Variants in SV2C observed in about 807,000 individuals in gnomAD.
The protein encoded by SV2C is synaptic vesicle glycoprotein 2C.
Under a neutral mutation model 79.7 loss-of-function variants are expected in SV2C, and 49 were observed. The ratio of observed to expected loss-of-function variants is 0.61; its 90% CI spans 0.49 to 0.78. The LOEUF is 0.78. SV2C is among the 30% of genes least tolerant of loss of function. The pLI is 0.00. For synonymous variants in SV2C, 334 were observed against 333.2 expected, an observed-to-expected ratio of 1.00 and a Z score of -0.03; for missense variants, 833 against 912.9, an observed-to-expected ratio of 0.91 and a Z score of 1.13.
At chr5:76,031,666 A>G in the SV2C span, among the ~76,000 whole-genome samples, 1 of 152,226 alleles carries the variant, frequency 6.6e-6, no homozygotes. Context: ...ACCTTAATAT[A>G]TTCAATATCT....
chr5:75,940,004 C>T, the SV2C span, among the ~76,000 whole-genome samples: 1 of 152,178 alleles, frequency 6.6e-6, no homozygotes, highest in Non-Finnish European at 1.5e-5. Context: ...CTCATTCCTG[C>T]GACTATCATT....
chr5:76,025,488 A>G, the SV2C span, among the ~76,000 whole-genome samples: 1 of 152,228 alleles, frequency 6.6e-6, no homozygotes, highest in African/African-American at 2.4e-5. Flanking sequence ...ACATCATATT[A>G]CAGTGGAAAT....
chr5:76,184,564 A>T (rs539954646), intron 2 of SV2C, among the ~76,000 whole-genome samples: 11 of 152,336 alleles, frequency 7.2e-5, no homozygotes, highest in Admixed American at 2.0e-4. Flanking sequence ...GTCTCAAGAA[A>T]CTTACAATCA....
chr5:76,021,579 T>C, the SV2C span, among the ~76,000 whole-genome samples: 396 of 152,298 alleles, frequency 2.6e-3, 5 homozygotes, highest in Admixed American at 0.022. Flanking sequence ...CAAATTAATA[T>C]TGGGGAACTG....
the SV2C span, among the ~76,000 whole-genome samples, chr5:76,003,308 G>A: frequency 1.3e-5 from 2 of 152,124 alleles, no homozygotes; most frequent in African/African-American, 4.8e-5. Context: ...GATGAGGTGG[G>A]AGTGTGGGCT....
chr5:76,277,359 G>A (rs1189540542), intron 4 of SV2C, among the ~76,000 whole-genome samples: 2 of 152,202 alleles, frequency 1.3e-5, no homozygotes, highest in African/African-American at 2.4e-5. Context: ...CCTTCAACTG[G>A]TGAGTGGATA....
rs143178564 is a variant in SV2C at position 76,132,249 on chromosome 5, G to A, written c.499G>A (p.Val167Ile). Residue 167 changes from valine (V) to isoleucine (I), a missense_variant, in exon 2 of 13, where the codon GTA becomes ATA. Val to Ile is a conservative substitution (Grantham distance 29). Coordinates refer to ENST00000502798, the MANE Select transcript of SV2C (RefSeq NM_014979.4). ...GGGCATGGCTCTTATGGCAGACGGT[G>A]TAGAGGTGTTTGTCGTTGGCTTCGT... Reference protein sequence around the residue: ...VLGMALMADGVEVFVVGFVLP... With the variant: ...VLGMALMADGIEVFVVGFVLP... The A allele has an allele frequency of 3.2e-4, 511 of 1,614,136 alleles. 2 individuals carry two copies. In the African/African-American group the frequency reaches 5.9e-3, roughly 19 times the overall value.
chr5:76,239,483 C>T (rs1210274499), intron 4 of SV2C, among the ~76,000 whole-genome samples: 1 of 152,194 alleles, frequency 6.6e-6, no homozygotes, highest in East Asian at 1.9e-4. Context: ...GAGGAGATGG[C>T]TTGTCTCTGC....
intron 6 of SV2C, among the ~76,000 whole-genome samples, chr5:76,288,060 G>A (rs558242417): frequency 1.3e-5 from 2 of 149,842 alleles, no homozygotes; most frequent in African/African-American, 4.9e-5. Flanking sequence ...ACTCTAGCCT[G>A]GCAACAGAGC....
At position 76,131,645 on chromosome 5, in the gene SV2C, C is replaced by A. The variant is rs113071558; in HGVS notation, c.-101-5C>A. On this transcript the variant is annotated splice_polypyrimidine_tract_variant and splice_region_variant and intron_variant, in intron 1 of 12. Transcript: ENST00000502798. ...TAAGTATCTCCTCTATTTCTTCTTT[C>A]GCAGTTCTGTTTTGAACCCAAAGTG... 1.3e-6 allele frequency: 1 copy of A among 787,052 alleles called. No individual in the cohort carries two copies. The highest frequency in any genetic ancestry group is 2.0e-6 in the Non-Finnish European group (1 of 511,434). 48.8% of individuals were successfully genotyped at this position (787,052 alleles called of 1,614,324 possible). A position where few individuals can be genotyped will look rare whatever the true frequency, so the allele number is the denominator to read the frequency against.
the SV2C span, among the ~76,000 whole-genome samples, chr5:75,961,165 T>C: frequency 6.6e-6 from 1 of 152,074 alleles, no homozygotes; most frequent in African/African-American, 2.4e-5. Flanking sequence ...GATAAATACA[T>C]GGTAAGCTAT....
At chr5:76,030,274 T>TG in the SV2C span, among the ~76,000 whole-genome samples, 1 of 109,430 alleles carries the variant, frequency 9.1e-6, no homozygotes, top group African/African-American at 4.2e-5. Context: ...TTGTTTTTTT[T>TG]TTTTTTTTTT....
the SV2C span, among the ~76,000 whole-genome samples, chr5:76,061,287 A>AAAAAAAAAAAAAAAAAAAAAAT: frequency 6.6e-6 from 1 of 150,970 alleles, no homozygotes; most frequent in African/African-American, 2.4e-5. Context: ...AAAAAAAAAA[A>AAAAAAAAAAAAAAAAAAAAAAT]AAAAAAGCAA....
chr5:76,098,601 G>A (rs1363275409), intron 1 of SV2C, among the ~76,000 whole-genome samples: 1 of 152,178 alleles, frequency 6.6e-6, no homozygotes, highest in Non-Finnish European at 1.5e-5. Flanking sequence ...AACCTGATAC[G>A]TAATAATCAT....
chr5:76,042,506 A>T, the SV2C span, among the ~76,000 whole-genome samples: 2 of 152,258 alleles, frequency 1.3e-5, no homozygotes, highest in South Asian at 2.1e-4. Flanking sequence ...TTTCCTCCCA[A>T]ATCTATAGAT....
At chr5:75,896,571 A>G in the SV2C span, among the ~76,000 whole-genome samples, 1 of 152,000 alleles carries the variant, frequency 6.6e-6, no homozygotes. Flanking sequence ...TCCTTTGGGT[A>G]TATACCCAGT....
chr5:75,902,058 C>T, the SV2C span, among the ~76,000 whole-genome samples: 1 of 152,208 alleles, frequency 6.6e-6, no homozygotes, highest in Admixed American at 6.5e-5. Context: ...GGCAATGCCT[C>T]ACCCTGCTTC....
Position 76,329,827 on chromosome 5 carries a change from C to T in SV2C, c.*4280C>T, listed in dbSNP as rs140184732. ...CAGGAATGTCTGAATTTGGCCTTCA[C>T]CTGGTATCACAGAAAGACAACTGGG... On this transcript the variant is annotated 3_prime_UTR_variant, in exon 13 of 13. Coordinates refer to ENST00000502798, the MANE Select transcript of SV2C (RefSeq NM_014979.4). The T allele has an allele frequency of 6.6e-6, 1 of 152,266 alleles. No individual in the cohort carries two copies. The highest frequency in any genetic ancestry group is 2.4e-5 in the African/African-American group (1 of 41,538). 9.4% of individuals were successfully genotyped at this position (152,266 alleles called of 1,614,324 possible). A position where few individuals can be genotyped will look rare whatever the true frequency, so the allele number is the denominator to read the frequency against.
chr5:76,348,931 A>G (rs1749593458), intron 12 of SV2C, among the ~76,000 whole-genome samples: 1 of 152,152 alleles, frequency 6.6e-6, no homozygotes, highest in Non-Finnish European at 1.5e-5. Flanking sequence ...CCCAGGAGGC[A>G]GAGTTTGCAG....
Sources: gnomAD v4.1 joint callset for allele counts (sites outside exome capture counted in the v4.1 genomes callset) on GRCh38, gnomAD v4.1.1 for gene constraint, MANE v1.5 for transcripts, NCBI Gene and HGNC (gene_info 2026-07-23, HGNC 2026-07-21) for gene names.